Variants in LARGE1 observed in about 807,000 individuals in gnomAD.
LARGE1 encodes the protein LARGE xylosyl- and glucuronyltransferase 1.
Under a neutral mutation model 87.6 loss-of-function variants are expected in LARGE1, and 43 were observed. The observed-to-expected ratio is 0.49, with a 90% confidence interval of 0.38 to 0.63. The LOEUF (loss-of-function observed/expected upper bound fraction) is 0.63, where lower values mean the gene tolerates loss of function less well. Among genes scored for constraint, LARGE1 ranks in the 30% least tolerant of loss-of-function variants. The pLI, the probability that LARGE1 is intolerant of heterozygous loss-of-function variation, is 0.00. For missense variants in LARGE1, 802 were observed against 1,000.2 expected, an observed-to-expected ratio of 0.80 and a Z score of 2.67; for synonymous variants, 434 against 394.6, an observed-to-expected ratio of 1.10 and a Z score of -1.18.
chr22:33,851,464 A>T (rs2063581101), intron 1 of LARGE1, among the ~76,000 whole-genome samples: 1 of 152,230 alleles, frequency 6.6e-6, no homozygotes, highest in African/African-American at 2.4e-5. Flanking sequence ...CTCTCCAATT[A>T]AACTGTGTAC....
At chr22:33,748,321 G>A (rs1040133333) in intron 2 of LARGE1, among the ~76,000 whole-genome samples, 34 of 151,760 alleles carry the variant, frequency 2.2e-4, no homozygotes, top group African/African-American at 6.8e-4. Flanking sequence ...TAGTAGAGAC[G>A]GGGTTTCACC....
At chr22:33,658,757 T>C (rs576094460) in intron 2 of LARGE1, among the ~76,000 whole-genome samples, 3 of 152,198 alleles carry the variant, frequency 2.0e-5, no homozygotes, top group Non-Finnish European at 4.4e-5. Flanking sequence ...TATGTGTGCA[T>C]GTATCTTTGT....
intron 6 of LARGE1, among the ~76,000 whole-genome samples, chr22:33,550,139 GTA>G (rs886777783): frequency 8.8e-5 from 9 of 102,556 alleles, no homozygotes; most frequent in Non-Finnish European, 1.2e-4. Flanking sequence ...AGAACTTAAA[GTA>G]TACACACACA....
the LARGE1 span, among the ~76,000 whole-genome samples, chr22:33,101,880 G>A: frequency 0.022 from 3,378 of 152,274 alleles, 42 homozygotes; most frequent in African/African-American, 0.033. Flanking sequence ...GTTTCTGTGA[G>A]TTCCTTTCAA....
intron 1 of LARGE1, among the ~76,000 whole-genome samples, chr22:33,864,570 G>C (rs1236629024): frequency 6.6e-6 from 1 of 152,132 alleles, no homozygotes. Context: ...AGCTCCTTGA[G>C]GGTAGGGATG....
chr22:33,288,123 T>G (rs1054519377), intron 12 of LARGE1, among the ~76,000 whole-genome samples: 1 of 152,242 alleles, frequency 6.6e-6, no homozygotes, highest in Non-Finnish European at 1.5e-5. Context: ...GGCGCCCAGT[T>G]ACTGGGTCAC....
At chr22:33,814,457 T>C (rs2086590648) in intron 1 of LARGE1, among the ~76,000 whole-genome samples, 1 of 152,204 alleles carries the variant, frequency 6.6e-6, no homozygotes, top group African/African-American at 2.4e-5. Flanking sequence ...CCAGGTGCTC[T>C]GGTAGTTATT....
At chr22:33,892,901 C>T (rs2065040179) in intron 1 of LARGE1, among the ~76,000 whole-genome samples, 1 of 152,252 alleles carries the variant, frequency 6.6e-6, no homozygotes, top group African/African-American at 2.4e-5. Context: ...AGGCACACAT[C>T]ATGCCCTATT....
chr22:33,613,829 T>A (rs972274506), intron 4 of LARGE1, among the ~76,000 whole-genome samples: 1 of 152,228 alleles, frequency 6.6e-6, no homozygotes, highest in Non-Finnish European at 1.5e-5. Context: ...TCTGCAGGAC[T>A]GCATGGATGA....
the LARGE1 span, among the ~76,000 whole-genome samples, chr22:33,130,827 C>T: frequency 6.6e-6 from 1 of 151,976 alleles, no homozygotes; most frequent in African/African-American, 2.4e-5. Flanking sequence ...AGGCAGATTA[C>T]GAGGTCAGGA....
chr22:33,303,450 G>A (rs919026829), intron 12 of LARGE1, among the ~76,000 whole-genome samples: 5 of 152,152 alleles, frequency 3.3e-5, no homozygotes, highest in Non-Finnish European at 7.3e-5. Flanking sequence ...GAGGAAATGA[G>A]ATCCTACCTC....
intron 5 of LARGE1, among the ~76,000 whole-genome samples, chr22:33,584,393 T>A (rs993339465): frequency 1.3e-5 from 2 of 152,150 alleles, no homozygotes; most frequent in Non-Finnish European, 2.9e-5. Context: ...CGGCTCAGGG[T>A]TCCCCTTTTT....
In LARGE1 at chr22:33,790,993, G is replaced by A. The variant is rs73170590; in HGVS notation, c.-82-29435C>T. Among the ~76,000 whole-genome samples, 708 of 152,142 alleles carry A rather than the reference G, an allele frequency of 4.7e-3. 4 individuals carry two copies. Among genetic ancestry groups the A allele is most frequent in the Non-Finnish European group, 8.1e-3 (550 of 67,996 alleles). On this transcript the variant is annotated intron_variant, in intron 1 of 14. Transcript: ENST00000397394. ...CCAGGTAAATTCTACCAAAAACAAC[G>A]GCAGTAACTTTTCATTTTACCTACC...
chr22:33,300,494 A>T (rs987108556), intron 12 of LARGE1, among the ~76,000 whole-genome samples: 13 of 151,110 alleles, frequency 8.6e-5, no homozygotes, highest in African/African-American at 2.7e-4. Context: ...TCCTGTCTCA[A>T]CCTCCCAAGT....
At chr22:33,686,844 T>G (rs1312138130) in intron 2 of LARGE1, among the ~76,000 whole-genome samples, 4 of 152,210 alleles carry the variant, frequency 2.6e-5, no homozygotes, top group Non-Finnish European at 5.9e-5. Context: ...ATGTCCAAAC[T>G]AAACAATTAT....
At chr22:33,298,439 GGAAAAA>G (rs1933662685) in intron 12 of LARGE1, among the ~76,000 whole-genome samples, 1 of 152,198 alleles carries the variant, frequency 6.6e-6, no homozygotes, top group Non-Finnish European at 1.5e-5. Flanking sequence ...CTGGGGAAGA[GGAAAAA>G]GCAGTATGAT....
the LARGE1 span, among the ~76,000 whole-genome samples, chr22:33,131,976 G>A: frequency 4.0e-5 from 6 of 151,266 alleles, no homozygotes; most frequent in African/African-American, 7.3e-5. Flanking sequence ...AAAAACTCCC[G>A]TTTTTAAAAC....
chr22:33,475,628 A>T (rs531458790), intron 6 of LARGE1, among the ~76,000 whole-genome samples: 1 of 151,726 alleles, frequency 6.6e-6, no homozygotes, highest in African/African-American at 2.4e-5. Flanking sequence ...CACCTGGCTA[A>T]TTTTTTGTAT....
intron 1 of LARGE1, among the ~76,000 whole-genome samples, chr22:33,888,449 G>A (rs751664504): frequency 1.3e-5 from 2 of 152,100 alleles, no homozygotes; most frequent in East Asian, 1.9e-4. Flanking sequence ...TGATGTGCAC[G>A]TGGTGGACAA....
Sources: allele counts gnomAD v4.1 joint callset (sites outside exome capture counted in the v4.1 genomes callset), GRCh38; gene constraint gnomAD v4.1.1; transcripts MANE v1.5; gene names NCBI Gene and HGNC (gene_info 2026-07-23, HGNC 2026-07-21).